ADCK5: variants seen among roughly 807,000 people sequenced by gnomAD.
ADCK5 encodes uncharacterized aarF domain-containing protein kinase 5.
Under a neutral mutation model 64.9 loss-of-function variants are expected in ADCK5, and 43 were observed. The observed-to-expected ratio is 0.66, with a 90% confidence interval of 0.52 to 0.85. The LOEUF (loss-of-function observed/expected upper bound fraction) is 0.85, where lower values mean the gene tolerates loss of function less well. Among genes scored for constraint, ADCK5 ranks in the 40% least tolerant of loss-of-function variants. ADCK5 has a pLI of 0.00. For missense variants in ADCK5, 760 were observed against 810.5 expected (o/e 0.94, Z 0.76); for synonymous variants, 434 against 342.8 (o/e 1.27, Z -2.94).
chr8:144,389,797 T>C (rs1554860009), intron 3 of ADCK5, among the ~76,000 whole-genome samples: 1 of 151,700 alleles, frequency 6.6e-6, no homozygotes, highest in African/African-American at 2.4e-5. Context: ...CCCAAAGTGC[T>C]GGGATCATAG....
rs782336850 is a variant in ADCK5 at position 144,391,075 on chromosome 8, C to T, written c.543+19C>T. The T allele has an allele frequency of 2.3e-5, 37 of 1,611,002 alleles. No homozygotes were observed. The highest frequency in any genetic ancestry group is 1.3e-4 in the African/African-American group (10 of 74,920). The stretch of plus-strand genomic sequence containing the variant: ...CCAGGAGGTGAGTGTGCGCTCAGGC[C>T]GAGGGAGGTGGGGCCTCCAGCAGTG... On this transcript the variant is annotated intron_variant, in intron 5 of 14. Transcript: ENST00000308860.
Position 144,392,862 on chromosome 8 carries a change from G to A in ADCK5, c.1607G>A (p.Trp536Ter). 1 of 1,600,436 alleles carries A rather than the reference G, an allele frequency of 6.2e-7. No individual in the cohort carries two copies. Among genetic ancestry groups the A allele is most frequent in the Non-Finnish European group, 8.5e-7 (1 of 1,176,656 alleles). ...CTCCTGCGCCACGCCAAGGTCGTCT[G>A]GGAGATGCTCAAGTTTGAAGTGGCG... is the stretch of plus-strand genomic sequence containing the variant. Reference protein sequence around the residue: ...TSLLRHAKVVWEMLKFEVALR... With the variant: ...TSLLRHAKVV The change falls in exon 14 of 15, where the codon TGG becomes TAG. Residue 536 changes from tryptophan (W) to a stop codon, truncating the protein, a stop_gained. Coordinates refer to ENST00000308860, the MANE Select transcript of ADCK5 (RefSeq NM_174922.5). LOFTEE classifies it low-confidence loss of function (END_TRUNC).
intron 2 of ADCK5, among the ~76,000 whole-genome samples, chr8:144,382,331 C>T (rs115123235): frequency 0.017 from 2,541 of 152,276 alleles, 63 homozygotes; most frequent in African/African-American, 0.058. Context: ...CCGCACTCAG[C>T]GTTATGGGTT....
At chr8:144,386,406 G>A (rs536314117) in intron 3 of ADCK5, among the ~76,000 whole-genome samples, 3 of 151,860 alleles carry the variant, frequency 2.0e-5, no homozygotes, top group Admixed American at 2.0e-4. Flanking sequence ...TGCCCAGGCT[G>A]GAGTGCAATG....
chr8:144,381,976 A>G (rs1819678443), intron 2 of ADCK5, among the ~76,000 whole-genome samples: 1 of 137,980 alleles, frequency 7.2e-6, no homozygotes, highest in African/African-American at 2.9e-5. Context: ...GTGTAGAATC[A>G]GATGTGTGCT....
intron 1 of ADCK5, among the ~76,000 whole-genome samples, chr8:144,378,489 C>T (rs1819468020): frequency 6.6e-6 from 1 of 152,094 alleles, no homozygotes; most frequent in Admixed American, 6.5e-5. Context: ...ACTGCTTCAC[C>T]CATACTGTGC....
At position 144,392,738 on chromosome 8, in the gene ADCK5, G is replaced by C. The variant is rs368156385; in HGVS notation, c.1521-38G>C. 5.5e-4 allele frequency: 866 copies of C among 1,588,714 alleles called. 4 individuals are homozygous for C. Among genetic ancestry groups the C allele is most frequent in the South Asian group, 2.0e-3 (182 of 89,780 alleles). On this transcript the variant is annotated intron_variant, in intron 13 of 14. Coordinates refer to ENST00000308860, the MANE Select transcript of ADCK5 (RefSeq NM_174922.5). ...AGGCGCCCGGGCCGTGGTGGGGCTG[G>C]TGTGGGGCTGACGCGGCGCTAACGC... is the stretch of plus-strand genomic sequence containing the variant.
rs137936146 is a variant in ADCK5, at chr8:144,389,399, C to A, written c.267-1272C>A. 420 of 455,780 alleles carry A rather than the reference C, an allele frequency of 9.2e-4. 7 individuals are homozygous for A. In the East Asian group the frequency reaches 0.019, roughly 21 times the overall value. 28.2% of individuals were successfully genotyped at this position (455,780 alleles called of 1,614,324 possible). On this transcript the variant is annotated intron_variant, in intron 3 of 14. Coordinates refer to ENST00000308860, the MANE Select transcript of ADCK5 (RefSeq NM_174922.5). ...CCTGCCCCCTTGCTGCCATCCTTTA[C>A]CTTCACAGACAGCCTTGGAACCCCA...
Position 144,384,991 on chromosome 8 carries a change from A to C in ADCK5, c.266+1761A>C, listed in dbSNP as rs192861114. Among the ~76,000 whole-genome samples, 19 of 152,060 alleles carry C rather than the reference A, an allele frequency of 1.2e-4. No homozygotes were observed. In the East Asian group the frequency reaches 3.7e-3, roughly 30 times the overall value. ...GGAACACATCCTGGGTGACAGCAGCACCCATGCAGGGGCCCAGGAAGGAGC... is the reference window on the plus strand; with the variant it reads ...GGAACACATCCTGGGTGACAGCAGCCCCCATGCAGGGGCCCAGGAAGGAGC... On this transcript the variant is annotated intron_variant, in intron 3 of 14. Transcript: ENST00000308860. The surrounding 1 kb of genome is among the most constrained non-coding windows in gnomAD (Gnocchi z 5.7).
intron 3 of ADCK5, 49 bp from the exon 4 acceptor site, chr8:144,390,621 CG>C: frequency 6.3e-7 from 1 of 1,581,326 alleles, no homozygotes; most frequent in Non-Finnish European, 8.6e-7. Context: ...GACCAAGCAC[CG>C]GGGCCCCGAG....
intron 3 of ADCK5, among the ~76,000 whole-genome samples, chr8:144,385,547 T>C (rs1487559549): frequency 6.6e-6 from 1 of 150,932 alleles, no homozygotes; most frequent in Non-Finnish European, 1.5e-5. Context: ...TTTGAGAGGC[T>C]GAGGCAGGGG....
chr8:144,389,423 C>T, intron 3 of ADCK5: 1 of 453,458 alleles, frequency 2.2e-6, no homozygotes, highest in Non-Finnish European at 4.4e-6. Context: ...CTTGGAACCC[C>T]ATCTCTCCAG....
At chr8:144,379,255 T>G (rs1586576270) in intron 1 of ADCK5, 132 bp from the exon 2 acceptor site, 1 of 572,952 alleles carries the variant, frequency 1.7e-6, no homozygotes, top group Non-Finnish European at 3.0e-6. Context: ...TAGAGCAGTG[T>G]GAGAATGGAC....
chr8:144,388,492 C>T (rs1030248444), intron 3 of ADCK5, among the ~76,000 whole-genome samples: 8 of 151,330 alleles, frequency 5.3e-5, no homozygotes, highest in South Asian at 2.1e-4. Context: ...GAGCCGGGCA[C>T]GGTGGCTCAC....
Position 144,379,484 on chromosome 8 carries a change from C to T in ADCK5, c.110C>T (p.Pro37Leu). 2 of 1,601,030 alleles carry T rather than the reference C, an allele frequency of 1.2e-6. No individual in the cohort carries two copies. The highest frequency in any genetic ancestry group is 1.7e-6 in the Non-Finnish European group (2 of 1,172,082). ...TTCAGGAGAAACGTCAGGGGCCTTCCTCCAAGGTAACGAGTCCTCCACGGG... is the reference window on the plus strand; with the variant it reads ...TTCAGGAGAAACGTCAGGGGCCTTCTTCCAAGGTAACGAGTCCTCCACGGG... ...VFFRRNVRGL[P>L]PRFSSPTPLW... is the part of the protein sequence containing the mutation. The change falls in exon 2 of 15, where the codon CCT becomes CTT. Residue 37 changes from proline (P) to leucine (L), a missense_variant. Physicochemically the swap from Pro to Leu is moderately conservative, Grantham distance 98. Around this residue, in one of 2 missense-constraint regions of ADCK5, gnomAD observed 427 missense variants for 518.4 expected, o/e 0.82. Coordinates refer to ENST00000308860, the MANE Select transcript of ADCK5 (RefSeq NM_174922.5).
intron 3 of ADCK5, among the ~76,000 whole-genome samples, chr8:144,388,587 A>AC (rs1225797198): frequency 2.6e-5 from 4 of 151,660 alleles, no homozygotes; most frequent in African/African-American, 7.3e-5. Context: ...ACACGGTGAA[A>AC]CCCCATCTCT....
chr8:144,389,288 C>A, intron 3 of ADCK5: 1 of 456,748 alleles, frequency 2.2e-6, no homozygotes. Context: ...GCCTTGGAGA[C>A]CCACCCTCCT....
rs955182081 is a variant in ADCK5 at position 144,376,248 on chromosome 8, G to C, written c.12+2141G>C. ...TGCTTCACAGCTGTTGGTCTCATTC[G>C]GCAGGCATTCATTGAGTGCCTGCTT... On this transcript the variant is annotated intron_variant, in intron 1 of 14. Coordinates refer to ENST00000308860, the MANE Select transcript of ADCK5 (RefSeq NM_174922.5). This position sits in a 1 kb window ranked among gnomAD's most constrained non-coding sequence, Gnocchi z 5.1. Among the ~76,000 whole-genome samples, 1 of 152,158 alleles carries C rather than the reference G, an allele frequency of 6.6e-6. No individual in the cohort carries two copies. The highest frequency in any genetic ancestry group is 2.4e-5 in the African/African-American group (1 of 41,438).
At chr8:144,377,236 G>A (rs573703693) in intron 1 of ADCK5, among the ~76,000 whole-genome samples, 1 of 152,360 alleles carries the variant, frequency 6.6e-6, no homozygotes, top group African/African-American at 2.4e-5. Flanking sequence ...AGTGAGAGCT[G>A]TGGTGTTTTC....
Sources: allele counts gnomAD v4.1 joint callset (sites outside exome capture counted in the v4.1 genomes callset), GRCh38; gene constraint gnomAD v4.1.1; regional missense constraint gnomAD v4.1.1; non-coding constraint Gnocchi (gnomAD v3.1); transcripts MANE v1.5; gene names NCBI Gene and HGNC (gene_info 2026-07-23, HGNC 2026-07-21).